Variants in ANXA6 observed in about 807,000 individuals in gnomAD.
The protein encoded by ANXA6 is 67 kDa calelectrin.
Under a neutral mutation model 95.4 loss-of-function variants are expected in ANXA6, and 71 were observed. The observed-to-expected ratio is 0.74, with a 90% CI of 0.61 to 0.91. ANXA6 has a LOEUF of 0.91. Ranked by LOEUF, ANXA6 falls within the 40% of genes least tolerant of loss-of-function variation. The pLI, the probability that ANXA6 is intolerant of heterozygous loss-of-function variation, is 0.00. For synonymous variants in ANXA6, 289 were observed against 315.9 expected, an observed-to-expected ratio of 0.91 and a Z score of 0.90; for missense variants, 830 against 876.4, an observed-to-expected ratio of 0.95 and a Z score of 0.67.
intron 20 of ANXA6, 71 bp from the exon 21 acceptor site, chr5:151,110,715 G>C (rs1249894495): frequency 6.4e-7 from 1 of 1,570,238 alleles, no homozygotes; most frequent in African/African-American, 1.4e-5. Flanking sequence ...GGAGGCTGGT[G>C]CTGGGGCCCT....
intron 1 of ANXA6, among the ~76,000 whole-genome samples, chr5:151,151,725 A>C (rs916333493): frequency 6.6e-6 from 1 of 152,206 alleles, no homozygotes; most frequent in Non-Finnish European, 1.5e-5. Context: ...TAGGAGGGTC[A>C]TCTCCCAGGC....
At chr5:151,108,577 G>C in intron 22 of ANXA6, 27 bp from the exon 23 acceptor site, 1 of 1,603,986 alleles carries the variant, frequency 6.2e-7, no homozygotes, top group Non-Finnish European at 8.5e-7. Flanking sequence ...CCCCAGAGGT[G>C]GGGGTGAGCT....
At chr5:151,127,762 G>A (rs1440396390) in intron 13 of ANXA6, among the ~76,000 whole-genome samples, 1 of 152,206 alleles carries the variant, frequency 6.6e-6, no homozygotes, top group Non-Finnish European at 1.5e-5. Context: ...CTTCCTCACA[G>A]GGTCTGCACC....
At chr5:151,103,537 C>T (rs375247075) in intron 25 of ANXA6, 33 bp downstream of exon 25, 89 of 1,590,780 alleles carry the variant, frequency 5.6e-5, no homozygotes, top group South Asian at 5.7e-5. Context: ...GACACTCACC[C>T]GCTTCCTGCT....
At position 151,115,297 on chromosome 5, in the gene ANXA6, ATTTT is replaced by A. The variant is rs1764966706; in HGVS notation, c.1572+1826_1572+1829del. Among the ~76,000 whole-genome samples the A allele has an allele frequency of 6.6e-5, 10 of 152,244 alleles. No homozygotes were observed. The South Asian group carries it at 2.1e-3, about 32-fold the overall frequency. ...ATGGAGTCTTTTTTGGCTTCTCCTT[ATTTT>A]CTAGTTTCTATAAAAGAATGTACTG... On this transcript the variant is annotated intron_variant, in intron 20 of 25. Transcript: ENST00000354546.
chr5:151,148,908 C>T (rs887558500), intron 1 of ANXA6, among the ~76,000 whole-genome samples: 39 of 151,982 alleles, frequency 2.6e-4, no homozygotes, highest in Non-Finnish European at 4.0e-4. Flanking sequence ...GTCGTGGTAG[C>T]TCATGCCTAT....
intron 5 of ANXA6, 27 bp from the exon 6 acceptor site, chr5:151,137,348 T>C: frequency 5.3e-5 from 82 of 1,544,864 alleles, no homozygotes; most frequent in Middle Eastern, 2.1e-4. Flanking sequence ...AGCGCATGAA[T>C]TAAGGGCAGG....
Position 151,147,872 on chromosome 5 carries a change from G to C in ANXA6, c.18+12C>G. 1 of 1,599,014 alleles carries C rather than the reference G, an allele frequency of 6.3e-7. No homozygotes were observed. Among genetic ancestry groups the C allele is most frequent in the Non-Finnish European group, 8.5e-7 (1 of 1,172,696 alleles). On this transcript the variant is annotated intron_variant, in intron 2 of 25. Transcript: ENST00000354546. ...GGCTGAGTACCACCTTCAGGAAAGAGAGGCCCCTTACCTGTGCTGGTTTGG... is the reference window on the plus strand; with the variant it reads ...GGCTGAGTACCACCTTCAGGAAAGACAGGCCCCTTACCTGTGCTGGTTTGG...
At chr5:151,122,780 G>A in intron 16 of ANXA6, 137 bp downstream of exon 16, 1 of 713,930 alleles carries the variant, frequency 1.4e-6, no homozygotes, top group Non-Finnish European at 2.4e-6. Flanking sequence ...GAGACACTCT[G>A]AGATCATATG....
Position 151,147,894 on chromosome 5 carries a change from T to C in ANXA6, c.8A>G (p.Lys3Arg). 6.2e-7 allele frequency: 1 copy of C among 1,605,734 alleles called. No homozygotes were observed. Among genetic ancestry groups the C allele is most frequent in the Non-Finnish European group, 8.5e-7 (1 of 1,176,086 alleles). MAKPAQGAKYRGS... is the reference protein window; with the variant it reads MARPAQGAKYRGS... ...AGAGAGGCCCCTTACCTGTGCTGGT[T>C]TGGCCATGGTCTCCGGTTCGCAGCA... The change falls in exon 2 of 26, where the codon AAA becomes AGA. Residue 3 changes from lysine (K) to arginine (R), a missense_variant. By Grantham distance (26) the Lys-to-Arg change is conservative. Coordinates refer to ENST00000354546, the MANE Select transcript of ANXA6 (RefSeq NM_001155.5).
chr5:151,131,137 A>T (rs1248460691), intron 11 of ANXA6, 94 bp downstream of exon 11: 2 of 1,360,782 alleles, frequency 1.5e-6, no homozygotes, highest in African/African-American at 1.4e-5. Context: ...GCCATCCCTG[A>T]AGGGCTCTCT....
intron 1 of ANXA6, among the ~76,000 whole-genome samples, chr5:151,153,796 T>A (rs1041030401): frequency 6.6e-6 from 1 of 152,222 alleles, no homozygotes; most frequent in Non-Finnish European, 1.5e-5. Context: ...TTTCTTTCAA[T>A]ACAAATGTGT....
intron 23 of ANXA6, among the ~76,000 whole-genome samples, chr5:151,105,611 A>G (rs569238446): frequency 3.3e-4 from 51 of 152,250 alleles, no homozygotes; most frequent in African/African-American, 1.1e-3. Context: ...GGGGCCTCAA[A>G]TTTTTAAATG....
At chr5:151,137,376 C>G (rs148162063) in intron 5 of ANXA6, 55 bp from the exon 6 acceptor site, 27 of 1,481,556 alleles carry the variant, frequency 1.8e-5, no homozygotes, top group Non-Finnish European at 1.9e-6. Flanking sequence ...GGTCACTGGA[C>G]ACAGGTTGGG....
chr5:151,114,015 T>C (rs1764925341), intron 20 of ANXA6, among the ~76,000 whole-genome samples: 2 of 152,206 alleles, frequency 1.3e-5, no homozygotes, highest in Non-Finnish European at 2.9e-5. Context: ...TTTTCTTAAG[T>C]GAAGAAGCCA....
chr5:151,111,942 C>A (rs1170592319), intron 20 of ANXA6, among the ~76,000 whole-genome samples: 1 of 152,050 alleles, frequency 6.6e-6, no homozygotes, highest in East Asian at 1.9e-4. Flanking sequence ...GTGCATGCCA[C>A]CAGCCCAGTT....
rs61407672 is a variant in ANXA6, at chr5:151,114,613, T to TAAAAAA, written c.1572+2508_1572+2513dup. 6.1e-4 allele frequency among the ~76,000 whole-genome samples: 43 copies of TAAAAAA among 70,316 alleles called. 1 individual carries two copies. Among genetic ancestry groups the TAAAAAA allele is most frequent in the African/African-American group, 1.3e-3 (25 of 18,960 alleles). 46.1% of individuals were successfully genotyped at this position (70,316 alleles called of 152,430 possible). A position where few individuals can be genotyped will look rare whatever the true frequency, so the allele number is the denominator to read the frequency against. On this transcript the variant is annotated intron_variant, in intron 20 of 25. Coordinates refer to ENST00000354546, the MANE Select transcript of ANXA6 (RefSeq NM_001155.5). ...TGGGCAACAGAGCGAGACTCCGTCT[T>TAAAAAA]AAAAAAAAAAAAAAAAAAAAAAAAA...
At chr5:151,146,902 T>C (rs1169194427) in intron 2 of ANXA6, among the ~76,000 whole-genome samples, 1 of 152,190 alleles carries the variant, frequency 6.6e-6, no homozygotes. Context: ...GTTTCCCACC[T>C]TAGCCTCCTA....
intron 23 of ANXA6, among the ~76,000 whole-genome samples, chr5:151,107,276 G>C (rs1005164905): frequency 1.3e-5 from 2 of 152,206 alleles, no homozygotes; most frequent in African/African-American, 4.8e-5. Flanking sequence ...ACTAATTTCA[G>C]CCTCACAAAA....
Sources: allele counts gnomAD v4.1 joint callset (sites outside exome capture counted in the v4.1 genomes callset), GRCh38; gene constraint gnomAD v4.1.1; transcripts MANE v1.5; gene names NCBI Gene and HGNC (gene_info 2026-07-23, HGNC 2026-07-21).